Variants in SNTG1 observed in about 807,000 individuals in gnomAD.
The protein encoded by SNTG1 is syntrophin gamma 1.
In SNTG1, 39 loss-of-function variants were observed where a neutral mutation model predicts 74.7. That is an observed-to-expected ratio of 0.52 (90% confidence interval 0.40 to 0.68). The LOEUF (loss-of-function observed/expected upper bound fraction) is 0.68. Ranked by LOEUF, SNTG1 falls within the 30% of genes least tolerant of loss-of-function variation. SNTG1 has a pLI of 0.00. For synonymous variants in SNTG1, 254 were observed against 217.1 expected, an observed-to-expected ratio of 1.17 and a Z score of -1.49; for missense variants, 685 against 609.5, an observed-to-expected ratio of 1.12 and a Z score of -1.30.
chr8:49,922,275 T>G (rs1806617839), intron 1 of SNTG1, among the ~76,000 whole-genome samples: 1 of 152,150 alleles, frequency 6.6e-6, no homozygotes, highest in Non-Finnish European at 1.5e-5. Flanking sequence ...GATAATTGCC[T>G]GGCTTTTTTC....
In SNTG1 at chr8:50,351,772, A is replaced by G. The variant is rs529318955; in HGVS notation, c.-27-42440A>G. ...GCCTGGTCTGAAAACTCTGGAAAAT[A>G]AATTCTGGAGTAATTGGCTGATTAA... On this transcript the variant is annotated intron_variant, in intron 2 of 18. Coordinates refer to ENST00000642720, the MANE Select transcript of SNTG1 (RefSeq NM_018967.5). Among the ~76,000 whole-genome samples the G allele has an allele frequency of 9.2e-5, 14 of 152,346 alleles. No homozygotes were observed. In the South Asian group the frequency reaches 2.7e-3, roughly 29 times the overall value.
intron 17 of SNTG1, among the ~76,000 whole-genome samples, chr8:50,735,178 T>A (rs903392589): frequency 2.0e-5 from 3 of 151,544 alleles, no homozygotes; most frequent in Non-Finnish European, 2.9e-5. Flanking sequence ...TAAAAAATGA[T>A]CTAACTGTAT....
intron 5 of SNTG1, among the ~76,000 whole-genome samples, chr8:50,444,547 T>C (rs1428259614): frequency 6.6e-6 from 1 of 151,982 alleles, no homozygotes; most frequent in African/African-American, 2.4e-5. Context: ...GTCAAGAGAT[T>C]AAGACCATCC....
chr8:50,284,712 G>A (rs1563843715), intron 2 of SNTG1, among the ~76,000 whole-genome samples: 1 of 151,944 alleles, frequency 6.6e-6, no homozygotes, highest in Non-Finnish European at 1.5e-5. Context: ...ATTTCATTGT[G>A]GCTCACTGAC....
chr8:50,128,948 T>C (rs767001425), intron 1 of SNTG1, among the ~76,000 whole-genome samples: 1 of 152,088 alleles, frequency 6.6e-6, no homozygotes, highest in African/African-American at 2.4e-5. Flanking sequence ...CAGTCAGAAA[T>C]GAAATTTCAG....
chr8:50,078,026 T>C (rs1011185917), intron 1 of SNTG1, among the ~76,000 whole-genome samples: 3 of 152,196 alleles, frequency 2.0e-5, no homozygotes, highest in Admixed American at 1.3e-4. Context: ...ATAGATATAG[T>C]ATCCAATTAA....
chr8:50,667,677 A>G (rs1170617788), intron 15 of SNTG1, among the ~76,000 whole-genome samples: 1 of 152,062 alleles, frequency 6.6e-6, no homozygotes, highest in Non-Finnish European at 1.5e-5. Context: ...ACAATTTTGG[A>G]GACATATTCA....
chr8:50,073,590 T>C (rs1563552975), intron 1 of SNTG1, among the ~76,000 whole-genome samples: 1 of 152,130 alleles, frequency 6.6e-6, no homozygotes. Context: ...TCAATTTACT[T>C]TGCCAAAATC....
intron 2 of SNTG1, among the ~76,000 whole-genome samples, chr8:50,243,406 A>T (rs543899763): frequency 6.6e-6 from 1 of 152,316 alleles, no homozygotes; most frequent in South Asian, 2.1e-4. Flanking sequence ...ATTTATCTAG[A>T]TCAATTTGAT....
intron 2 of SNTG1, among the ~76,000 whole-genome samples, chr8:50,301,425 GTCTA>G (rs1250389224): frequency 5.3e-5 from 8 of 151,876 alleles, no homozygotes; most frequent in South Asian, 2.1e-4. Context: ...TTTATATGAT[GTCTA>G]TCTCTTTATT....
intron 1 of SNTG1, among the ~76,000 whole-genome samples, chr8:50,021,246 C>G (rs977226023): frequency 2.0e-5 from 3 of 152,158 alleles, no homozygotes; most frequent in Admixed American, 6.6e-5. Flanking sequence ...AATCTTCCAA[C>G]ATGACTTCCT....
intron 1 of SNTG1, among the ~76,000 whole-genome samples, chr8:50,018,816 A>G (rs546934846): frequency 6.6e-6 from 1 of 152,174 alleles, no homozygotes; most frequent in South Asian, 2.1e-4. Flanking sequence ...TTATAAACAA[A>G]GAAACAAAAA....
chr8:50,328,982 T>G (rs1055463564), intron 2 of SNTG1, among the ~76,000 whole-genome samples: 1 of 152,160 alleles, frequency 6.6e-6, no homozygotes, highest in African/African-American at 2.4e-5. Flanking sequence ...ATACTTCCAT[T>G]CCAAATGGGA....
intron 2 of SNTG1, among the ~76,000 whole-genome samples, chr8:50,177,417 C>T (rs1398196117): frequency 3.9e-5 from 6 of 152,150 alleles, no homozygotes; most frequent in African/African-American, 4.8e-5. Context: ...GCCTCATTCC[C>T]GAACATCCCT....
In SNTG1 at chr8:50,545,604, TA is replaced by T. The variant is rs1554569684; in HGVS notation, c.681-7439del. Among the ~76,000 whole-genome samples the T allele has an allele frequency of 4.0e-5, 6 of 151,418 alleles. 1 individual carries two copies. Among genetic ancestry groups the T allele is most frequent in the Admixed American group, 1.3e-4 (2 of 15,202 alleles). On this transcript the variant is annotated intron_variant, in intron 11 of 18. Coordinates refer to ENST00000642720, the MANE Select transcript of SNTG1 (RefSeq NM_018967.5). ...TAAATATTTATAAAATGAATTTTAA[TA>T]AAAAAATTCATGTCTTAGTTTTTTC...
intron 1 of SNTG1, among the ~76,000 whole-genome samples, chr8:49,995,161 A>T (rs1250410205): frequency 6.6e-6 from 1 of 152,194 alleles, no homozygotes; most frequent in Admixed American, 6.5e-5. Flanking sequence ...TTCTGGAGTG[A>T]ATAAAATCCT....
rs562543926 is a variant in SNTG1 at position 50,535,162 on chromosome 8, C to T, written c.550-1516C>T. ...ATTATAAGAAATTTTTTATTTGTTG[C>T]TATAATCTTACCAGTTGTTACCATT... On this transcript the variant is annotated intron_variant, in intron 10 of 18. Transcript: ENST00000642720. Among the ~76,000 whole-genome samples the T allele has an allele frequency of 2.5e-4, 38 of 152,208 alleles. No homozygotes were observed. In the South Asian group the frequency reaches 7.5e-3, roughly 30 times the overall value.
At chr8:50,160,624 C>A (rs1384960589) in intron 1 of SNTG1, among the ~76,000 whole-genome samples, 1 of 133,262 alleles carries the variant, frequency 7.5e-6, no homozygotes, top group African/African-American at 3.6e-5. Flanking sequence ...CCCTGAATAA[C>A]AAGGCATGTG....
At chr8:50,228,914 G>C (rs1416454122) in intron 2 of SNTG1, among the ~76,000 whole-genome samples, 3 of 151,644 alleles carry the variant, frequency 2.0e-5, no homozygotes, top group Non-Finnish European at 4.4e-5. Context: ...AAATATAGCT[G>C]TTTAAAATAA....
Sources: gnomAD v4.1 joint callset for allele counts (sites outside exome capture counted in the v4.1 genomes callset) on GRCh38, gnomAD v4.1.1 for gene constraint, MANE v1.5 for transcripts, NCBI Gene and HGNC (gene_info 2026-07-23, HGNC 2026-07-21) for gene names.